VPS13A: variants seen among roughly 807,000 people sequenced by gnomAD.
The protein encoded by VPS13A is vacuolar protein sorting 13 homolog A, also known as intermembrane lipid transfer protein VPS13A.
A neutral mutation model predicts 390.9 loss-of-function variants in VPS13A; 264 were observed. The observed-to-expected ratio is 0.68, with a 90% CI of 0.61 to 0.75. The LOEUF is 0.75. VPS13A is among the 30% of genes least tolerant of loss of function. The pLI, the probability that VPS13A is intolerant of heterozygous loss-of-function variation, is 0.00. For missense variants in VPS13A, 3,409 were observed against 3,733.9 expected, an observed-to-expected ratio of 0.91 and a Z score of 2.27; for synonymous variants, 1,231 against 1,227.1, an observed-to-expected ratio of 1.00 and a Z score of -0.07.
At chr9:77,373,249 C>G (rs1261546660) in intron 67 of VPS13A, among the ~76,000 whole-genome samples, 2 of 149,106 alleles carry the variant, frequency 1.3e-5, no homozygotes, top group Admixed American at 6.8e-5. Context: ...TACAAGGCTA[C>G]AGTAACCAAA....
chr9:77,194,307 G>A (rs1031411801), intron 1 of VPS13A, among the ~76,000 whole-genome samples: 6 of 151,674 alleles, frequency 4.0e-5, no homozygotes, highest in African/African-American at 1.5e-4. Flanking sequence ...AGCGTCCATT[G>A]CAATTGGATG....
intron 31 of VPS13A, among the ~76,000 whole-genome samples, chr9:77,292,931 A>G (rs1827760956): frequency 6.6e-6 from 1 of 152,188 alleles, no homozygotes; most frequent in East Asian, 1.9e-4. Context: ...ACATACCTCA[A>G]ATCAGGAATA....
At position 77,358,357 on chromosome 9, in the gene VPS13A, A is replaced by G. The variant is rs1587653708; in HGVS notation, c.7954A>G (p.Ile2652Val). 1.2e-6 allele frequency: 2 copies of G among 1,612,146 alleles called. No homozygotes were observed. Among genetic ancestry groups the G allele is most frequent in the Non-Finnish European group, 1.7e-6 (2 of 1,178,630 alleles). The change falls in exon 57 of 72, where the codon ATC (isoleucine) becomes GTC (valine). Residue 2652 changes from isoleucine to valine, a missense_variant and splice_region_variant. By Grantham distance (29) the Ile-to-Val change is conservative. Transcript: ENST00000360280. Reference sequence around the variant, plus strand: ...TACTGATGTGTTTTTATTTTCTTAGATCCAAAATCAGATACATGGTGCTGT... The same window carrying G: ...TACTGATGTGTTTTTATTTTCTTAGGTCCAAAATCAGATACATGGTGCTGT... ...SFRIQIYRIQIQNQIHGAVFP... is the reference protein window; with the variant it reads ...SFRIQIYRIQVQNQIHGAVFP...
intron 12 of VPS13A, among the ~76,000 whole-genome samples, 157 bp from the exon 13 acceptor site, chr9:77,221,028 A>G (rs974096924): frequency 6.6e-6 from 1 of 152,110 alleles, no homozygotes; most frequent in Non-Finnish European, 1.5e-5. Context: ...TGGATTATTA[A>G]TGCAAATGGA....
intron 17 of VPS13A, among the ~76,000 whole-genome samples, 161 bp downstream of exon 17, chr9:77,228,425 A>G (rs1308962487): frequency 6.6e-6 from 1 of 152,106 alleles, no homozygotes; most frequent in Non-Finnish European, 1.5e-5. Context: ...AAGATAATAC[A>G]TGTTCAATAG....
intron 20 of VPS13A, among the ~76,000 whole-genome samples, chr9:77,248,216 T>TC (rs946271532): frequency 6.6e-6 from 1 of 151,842 alleles, no homozygotes; most frequent in Non-Finnish European, 1.5e-5. Context: ...TCCCTTTTTT[T>TC]CTTTCTTTTT....
chr9:77,247,664 TTGAC>T (rs1422637209), intron 20 of VPS13A, among the ~76,000 whole-genome samples: 3 of 152,082 alleles, frequency 2.0e-5, no homozygotes, highest in Non-Finnish European at 4.4e-5. Context: ...GATTGATTGA[TTGAC>T]TGATTGATTT....
chr9:77,299,892 A>G (rs1828243298), intron 33 of VPS13A, among the ~76,000 whole-genome samples: 1 of 152,116 alleles, frequency 6.6e-6, no homozygotes, highest in Admixed American at 6.5e-5. Context: ...ACATATGGAC[A>G]CAGGAGGGGG....
chr9:77,220,792 T>G (rs1823168449), intron 12 of VPS13A, among the ~76,000 whole-genome samples: 2 of 152,110 alleles, frequency 1.3e-5, no homozygotes. Flanking sequence ...CTATGCAGGA[T>G]AATCCCATTT....
intron 69 of VPS13A, among the ~76,000 whole-genome samples, chr9:77,403,633 T>C (rs1264759668): frequency 1.3e-5 from 2 of 152,318 alleles, no homozygotes; most frequent in East Asian, 3.9e-4. Flanking sequence ...AGTGTACAAT[T>C]TTAGGTTATC....
intron 71 of VPS13A, among the ~76,000 whole-genome samples, chr9:77,415,120 A>T (rs1249766704): frequency 2.0e-5 from 3 of 152,260 alleles, no homozygotes; most frequent in Admixed American, 6.5e-5. Flanking sequence ...ACAGGGAGAC[A>T]GATAAGCATG....
chr9:77,293,151 A>G (rs978165556), intron 31 of VPS13A, among the ~76,000 whole-genome samples, 190 bp from the exon 32 acceptor site: 3 of 152,146 alleles, frequency 2.0e-5, no homozygotes, highest in Admixed American at 6.5e-5. Flanking sequence ...GCCACCACCA[A>G]TTTGTAAAAG....
chr9:77,265,831 G>A (rs910074158), intron 23 of VPS13A, among the ~76,000 whole-genome samples: 12 of 151,992 alleles, frequency 7.9e-5, no homozygotes, highest in African/African-American at 2.9e-4. Flanking sequence ...CTTGTCTTCT[G>A]CTACCTTTTG....
chr9:77,412,939 T>A (rs1466134281), intron 71 of VPS13A, among the ~76,000 whole-genome samples: 1 of 152,112 alleles, frequency 6.6e-6, no homozygotes, highest in Non-Finnish European at 1.5e-5. Flanking sequence ...ATCACAAGCA[T>A]TCTTATACAC....
intron 1 of VPS13A, among the ~76,000 whole-genome samples, chr9:77,195,806 T>C (rs922911072): frequency 5.9e-5 from 9 of 152,164 alleles, no homozygotes; most frequent in African/African-American, 2.2e-4. Flanking sequence ...CTTTCACTTA[T>C]CTTTGCTCTG....
chr9:77,380,077 A>G (rs1833345132), intron 67 of VPS13A, among the ~76,000 whole-genome samples: 1 of 151,532 alleles, frequency 6.6e-6, no homozygotes, highest in Non-Finnish European at 1.5e-5. Flanking sequence ...TGATGGATTG[A>G]CCCTTTTTTC....
chr9:77,237,800 A>G (rs1824240236), intron 17 of VPS13A, among the ~76,000 whole-genome samples: 1 of 152,210 alleles, frequency 6.6e-6, no homozygotes, highest in African/African-American at 2.4e-5. Context: ...TTTTTTACAT[A>G]TAAGTCAACA....
At chr9:77,273,395 T>G (rs1249296482) in intron 24 of VPS13A, 31 bp downstream of exon 24, 1 of 1,517,402 alleles carries the variant, frequency 6.6e-7, no homozygotes, top group Non-Finnish European at 9.0e-7. Flanking sequence ...GATATTTTTC[T>G]TATTTTATTA....
At chr9:77,396,787 G>T (rs1834136010) in intron 68 of VPS13A, among the ~76,000 whole-genome samples, 2 of 152,082 alleles carry the variant, frequency 1.3e-5, no homozygotes, top group Non-Finnish European at 2.9e-5. Context: ...TAAAATGGCA[G>T]TATTTACCAT....
Sources: gnomAD v4.1 joint callset for allele counts (sites outside exome capture counted in the v4.1 genomes callset) on GRCh38, gnomAD v4.1.1 for gene constraint, MANE v1.5 for transcripts, NCBI Gene and HGNC (gene_info 2026-07-23, HGNC 2026-07-21) for gene names.